Variants in SLF1 observed in about 807,000 individuals in gnomAD.
The protein encoded by SLF1 is SMC5/6 complex localization factor 1.
A neutral mutation model predicts 123.0 loss-of-function variants in SLF1; 105 were observed. That is an observed-to-expected ratio of 0.85 (90% confidence interval 0.73 to 1.00). The LOEUF (loss-of-function observed/expected upper bound fraction) is 1.00, where lower values mean the gene tolerates loss of function less well. Ranked by LOEUF, SLF1 falls within the 50% of genes least tolerant of loss-of-function variation. The pLI, the probability that SLF1 is intolerant of heterozygous loss-of-function variation, is 0.00. For synonymous variants in SLF1, 434 were observed against 406.6 expected, an observed-to-expected ratio of 1.07 and a Z score of -0.81; for missense variants, 1,239 against 1,223.0, an observed-to-expected ratio of 1.01 and a Z score of -0.20.
intron 15 of SLF1, among the ~76,000 whole-genome samples, chr5:94,685,354 A>G (rs1190322495): frequency 6.6e-6 from 1 of 152,026 alleles, no homozygotes; most frequent in Non-Finnish European, 1.5e-5. Context: ...AACTGTATTG[A>G]CTTATTCTTT....
At chr5:94,659,835 A>C (rs1748857707) in intron 9 of SLF1, among the ~76,000 whole-genome samples, 1 of 151,836 alleles carries the variant, frequency 6.6e-6, no homozygotes, top group Non-Finnish European at 1.5e-5. Flanking sequence ...GCCAGCAGTG[A>C]CAGTAGTGGG....
rs1335876733 is a variant in SLF1 at position 94,697,556 on chromosome 5, T to A, written c.*2244T>A. The A allele has an allele frequency of 6.6e-6, 1 of 151,894 alleles. No homozygotes were observed. Among genetic ancestry groups the A allele is most frequent in the African/African-American group, 2.4e-5 (1 of 41,386 alleles). 9.4% of individuals were successfully genotyped at this position (151,894 alleles called of 1,614,324 possible). ...CATAGTTCTATGGAATCATATTTTT[T>A]AAATTTCTGTAAGAGACCTTATTAC... On this transcript the variant is annotated 3_prime_UTR_variant, in exon 21 of 21. Transcript: ENST00000265140.
intron 4 of SLF1, among the ~76,000 whole-genome samples, chr5:94,642,539 C>T (rs550650138): frequency 1.3e-5 from 2 of 152,186 alleles, no homozygotes; most frequent in East Asian, 1.9e-4. Flanking sequence ...CTTCAGAAAT[C>T]ACCTTACTTG....
chr5:94,624,040 A>G (rs1166301713), intron 1 of SLF1, among the ~76,000 whole-genome samples: 1 of 152,142 alleles, frequency 6.6e-6, no homozygotes, highest in Non-Finnish European at 1.5e-5. Context: ...GAAAACTGTT[A>G]CAAAACTGTG....
intron 15 of SLF1, among the ~76,000 whole-genome samples, chr5:94,682,185 A>AG (rs1242004535): frequency 1.3e-5 from 2 of 152,218 alleles, no homozygotes; most frequent in African/African-American, 4.8e-5. Flanking sequence ...ATAATCCATC[A>AG]ACAGGATTAT....
At chr5:94,671,892 A>C (rs1443393474) in intron 14 of SLF1, among the ~76,000 whole-genome samples, 1 of 151,696 alleles carries the variant, frequency 6.6e-6, no homozygotes, top group Non-Finnish European at 1.5e-5. Flanking sequence ...TTCTAGATAG[A>C]TGGGTTTTGT....
At chr5:94,679,186 G>T (rs1466759051) in intron 15 of SLF1, among the ~76,000 whole-genome samples, 1 of 151,984 alleles carries the variant, frequency 6.6e-6, no homozygotes, top group African/African-American at 2.4e-5. Flanking sequence ...TGTCTTTCTG[G>T]TATTTCTAAG....
Position 94,686,567 on chromosome 5 carries a change from C to T in SLF1, c.1976-6C>T, listed in dbSNP as rs752117429. 6.2e-7 allele frequency: 1 copy of T among 1,613,148 alleles called. No individual in the cohort carries two copies. The highest frequency in any genetic ancestry group is 1.7e-5 in the Admixed American group (1 of 60,008). ...TAACTATATTAACTTACCTTATGTTCTCCAGACTTTTCTTCACAGGAATTA... is the reference window on the plus strand; with the variant it reads ...TAACTATATTAACTTACCTTATGTTTTCCAGACTTTTCTTCACAGGAATTA... On this transcript the variant is annotated splice_polypyrimidine_tract_variant and splice_region_variant and intron_variant, in intron 15 of 20. Coordinates refer to ENST00000265140, the MANE Select transcript of SLF1 (RefSeq NM_032290.4).
At chr5:94,680,094 G>A (rs1159095702) in intron 15 of SLF1, among the ~76,000 whole-genome samples, 1 of 152,016 alleles carries the variant, frequency 6.6e-6, no homozygotes, top group African/African-American at 2.4e-5. Context: ...TGCTACACAT[G>A]TGTTTCAGTG....
chr5:94,660,280 C>T (rs1221113793), intron 9 of SLF1, among the ~76,000 whole-genome samples: 1 of 152,154 alleles, frequency 6.6e-6, no homozygotes, highest in Admixed American at 6.5e-5. Flanking sequence ...AGGCCCCTGA[C>T]GGTGGGCGTG....
chr5:94,678,281 T>C (rs1171135711), intron 14 of SLF1: 1 of 152,280 alleles, frequency 6.6e-6, no homozygotes, highest in Non-Finnish European at 1.5e-5. Flanking sequence ...ATTTGATATA[T>C]AATTAAATAA....
chr5:94,694,432 T>C (rs1290271782), intron 20 of SLF1, among the ~76,000 whole-genome samples: 1 of 151,898 alleles, frequency 6.6e-6, no homozygotes, highest in African/African-American at 2.4e-5. Flanking sequence ...GGGCACTACT[T>C]TTTCCTCTTG....
At chr5:94,681,693 T>C (rs1426164436) in intron 15 of SLF1, among the ~76,000 whole-genome samples, 2 of 129,912 alleles carry the variant, frequency 1.5e-5, no homozygotes, top group African/African-American at 5.9e-5. Context: ...TTCCCCTTCC[T>C]GTGTCCATGT....
At position 94,695,486 on chromosome 5, in the gene SLF1, G is replaced by T; in HGVS notation, c.*174G>T. The T allele has an allele frequency of 1.6e-6, 1 of 630,084 alleles. No homozygotes were observed. The highest frequency in any genetic ancestry group is 2.4e-6 in the Non-Finnish European group (1 of 421,950). The allele number at this position is 630,084 out of a possible 1,614,324, so 39.0% of individuals were successfully genotyped here. A position where few individuals can be genotyped will look rare whatever the true frequency, so the allele number is the denominator to read the frequency against. On this transcript the variant is annotated 3_prime_UTR_variant, in exon 21 of 21. Transcript: ENST00000265140. ...AAAACTTCTACAAAACTCTAGTATG[G>T]GCTTCTGACTTTTTCCAGGGTGTAG... is the stretch of plus-strand genomic sequence containing the variant.
At chr5:94,665,612 G>C (rs1749660089) in intron 11 of SLF1, among the ~76,000 whole-genome samples, 1 of 152,138 alleles carries the variant, frequency 6.6e-6, no homozygotes, top group Non-Finnish European at 1.5e-5. Context: ...AGCCAGGCAT[G>C]GTGGTGGGTG....
intron 3 of SLF1, 95 bp from the exon 4 acceptor site, chr5:94,630,408 T>C: frequency 2.2e-6 from 3 of 1,366,802 alleles, no homozygotes; most frequent in African/African-American, 1.5e-5. Context: ...AAGAGTCTTA[T>C]CTTGAAAAAG....
chr5:94,619,169 C>T (rs1791367141), intron 1 of SLF1, among the ~76,000 whole-genome samples: 1 of 152,192 alleles, frequency 6.6e-6, no homozygotes, highest in African/African-American at 2.4e-5. Context: ...ACGCCTCATC[C>T]TGATACCAGA....
In SLF1 at chr5:94,695,179, T is replaced by C. The variant is rs967971107; in HGVS notation, c.3044T>C (p.Ile1015Thr). The C allele has an allele frequency of 3.1e-6, 5 of 1,612,716 alleles. No homozygotes were observed. The highest frequency in any genetic ancestry group is 1.3e-5 in the African/African-American group (1 of 74,828). The change falls in exon 21 of 21, where the codon ATA (isoleucine) becomes ACA (threonine). Residue 1015 changes from isoleucine to threonine, a missense_variant. Transcript: ENST00000265140. ...TTACTGGATCTTTATGCTGGAAATATAAAGACATTGCAGAAACTCCCACAC... is the reference window on the plus strand; with the variant it reads ...TTACTGGATCTTTATGCTGGAAATACAAAGACATTGCAGAAACTCCCACAC... ...DWLLDLYAGN[I>T]KTLQKLPHIL...
At chr5:94,690,989 C>T (rs981950786) in intron 18 of SLF1, among the ~76,000 whole-genome samples, 4 of 151,450 alleles carry the variant, frequency 2.6e-5, no homozygotes, top group Non-Finnish European at 1.5e-5. Flanking sequence ...TTCTCCCTCT[C>T]TCTGCTGTTG....
Sources: gnomAD v4.1 joint callset for allele counts (sites outside exome capture counted in the v4.1 genomes callset) on GRCh38, gnomAD v4.1.1 for gene constraint, MANE v1.5 for transcripts, NCBI Gene and HGNC (gene_info 2026-07-23, HGNC 2026-07-21) for gene names.